The following ROBO1 variants were observed in gnomAD, a reference collection of about 807,000 sequenced individuals.
ROBO1 encodes the protein roundabout guidance receptor 1.
ROBO1 carries 149 observed loss-of-function variants against 195.9 expected under a neutral mutation model. The observed-to-expected ratio is 0.76, with a 90% confidence interval of 0.67 to 0.87. ROBO1 has a LOEUF of 0.87. Ranked by LOEUF, ROBO1 falls within the 40% of genes least tolerant of loss-of-function variation. ROBO1 has a pLI of 0.00. For synonymous variants in ROBO1, 816 were observed against 733.2 expected (o/e 1.11, Z -1.82); for missense variants, 1,933 against 2,068.3 (o/e 0.93, Z 1.27).
At chr3:79,626,147 T>C (rs757933519) in intron 1 of ROBO1, among the ~76,000 whole-genome samples, 3 of 152,150 alleles carry the variant, frequency 2.0e-5, no homozygotes, top group Non-Finnish European at 4.4e-5. Context: ...TCAACATCCT[T>C]TCATGTTAAA....
chr3:79,362,269 C>A (rs1377334444), intron 2 of ROBO1, among the ~76,000 whole-genome samples: 1 of 151,966 alleles, frequency 6.6e-6, no homozygotes, highest in South Asian at 2.1e-4. Flanking sequence ...AATAATAGAT[C>A]GAAGTGCATT....
chr3:79,638,388 T>C (rs1253340308), intron 1 of ROBO1, among the ~76,000 whole-genome samples: 1 of 152,154 alleles, frequency 6.6e-6, no homozygotes, highest in Non-Finnish European at 1.5e-5. Context: ...AATGGTCTGA[T>C]TTTTTTATTT....
intron 1 of ROBO1, among the ~76,000 whole-genome samples, chr3:79,606,403 A>G (rs1347628948): frequency 6.6e-6 from 1 of 151,956 alleles, no homozygotes; most frequent in Non-Finnish European, 1.5e-5. Flanking sequence ...CTGTCTCCTC[A>G]TCATCCATCC....
At chr3:79,080,616 A>T (rs1455920574) in intron 3 of ROBO1, among the ~76,000 whole-genome samples, 1 of 152,112 alleles carries the variant, frequency 6.6e-6, no homozygotes, top group Non-Finnish European at 1.5e-5. Context: ...ATTTGCATAA[A>T]GCATTATTAC....
chr3:79,586,985 T>C (rs1002679058), intron 2 of ROBO1, among the ~76,000 whole-genome samples: 4 of 151,898 alleles, frequency 2.6e-5, no homozygotes, highest in African/African-American at 7.2e-5. Context: ...TGGGCTTTAA[T>C]GGGCTCAACA....
intron 1 of ROBO1, among the ~76,000 whole-genome samples, chr3:79,750,919 G>A (rs1209088168): frequency 6.6e-6 from 1 of 152,146 alleles, no homozygotes; most frequent in Non-Finnish European, 1.5e-5. Flanking sequence ...CACCACAGAA[G>A]AAAAATGTGG....
intron 10 of ROBO1, among the ~76,000 whole-genome samples, chr3:78,685,271 T>A (rs934108841): frequency 6.6e-6 from 1 of 152,162 alleles, no homozygotes; most frequent in East Asian, 1.9e-4. Flanking sequence ...GTCCTTACAA[T>A]AGGTTTGGCA....
At chr3:79,658,762 T>C (rs2106807422) in intron 1 of ROBO1, among the ~76,000 whole-genome samples, 1 of 151,794 alleles carries the variant, frequency 6.6e-6, no homozygotes, top group Middle Eastern at 3.4e-3. Context: ...CCTTAGTTAT[T>C]CAAAATCTAT....
intron 3 of ROBO1, among the ~76,000 whole-genome samples, chr3:79,045,259 T>A (rs931982969): frequency 4.6e-5 from 7 of 152,170 alleles, no homozygotes; most frequent in African/African-American, 1.7e-4. Context: ...TTCTCCTAAT[T>A]TTCATGATAA....
At chr3:78,637,038 T>A (rs1705561542) in intron 22 of ROBO1, among the ~76,000 whole-genome samples, 1 of 148,260 alleles carries the variant, frequency 6.7e-6, no homozygotes. Context: ...TTAAAATAGA[T>A]TTTAAATAGA....
At chr3:79,636,769 A>G (rs1415117980) in intron 1 of ROBO1, among the ~76,000 whole-genome samples, 1 of 152,220 alleles carries the variant, frequency 6.6e-6, no homozygotes, top group Admixed American at 6.5e-5. Flanking sequence ...GCTTCAAAAG[A>G]AGATTTGAGA....
intron 3 of ROBO1, among the ~76,000 whole-genome samples, chr3:79,016,414 G>A (rs1238820206): frequency 6.6e-6 from 1 of 152,044 alleles, no homozygotes; most frequent in Non-Finnish European, 1.5e-5. Flanking sequence ...TGGCTTAAAT[G>A]GAAAATTAAA....
intron 1 of ROBO1, among the ~76,000 whole-genome samples, chr3:79,613,817 A>G (rs1265311026): frequency 6.6e-6 from 1 of 152,050 alleles, no homozygotes; most frequent in Non-Finnish European, 1.5e-5. Context: ...CTAAAAGTAA[A>G]AGGTTCGGAG....
At chr3:78,697,172 A>C (rs2081319017) in intron 8 of ROBO1, among the ~76,000 whole-genome samples, 1 of 151,980 alleles carries the variant, frequency 6.6e-6, no homozygotes, top group Non-Finnish European at 1.5e-5. Flanking sequence ...ATGTACTAAG[A>C]ATATACATTG....
chr3:78,666,499 G>A (rs1397939155), intron 14 of ROBO1, among the ~76,000 whole-genome samples: 1 of 152,118 alleles, frequency 6.6e-6, no homozygotes, highest in Admixed American at 6.6e-5. Flanking sequence ...CTGTACTGGG[G>A]ACAAAAGTTT....
At chr3:78,757,383 G>T (rs904523514) in intron 4 of ROBO1, among the ~76,000 whole-genome samples, 2 of 151,890 alleles carry the variant, frequency 1.3e-5, no homozygotes, top group Non-Finnish European at 2.9e-5. Flanking sequence ...AAAAAGACTA[G>T]AGTGTTTTCT....
At chr3:78,936,593 CT>C (rs1287184956) in intron 4 of ROBO1, among the ~76,000 whole-genome samples, 1 of 151,932 alleles carries the variant, frequency 6.6e-6, no homozygotes, top group Admixed American at 6.6e-5. Context: ...CGATTATCCC[CT>C]AGACAATACG....
chr3:78,978,933 C>T (rs1366786918), intron 3 of ROBO1, among the ~76,000 whole-genome samples: 1 of 152,170 alleles, frequency 6.6e-6, no homozygotes, highest in Non-Finnish European at 1.5e-5. Context: ...CAAGTTCTGA[C>T]ATCTCCCTTC....
chr3:79,651,337 G>A (rs1295779136), intron 1 of ROBO1, among the ~76,000 whole-genome samples: 1 of 152,022 alleles, frequency 6.6e-6, no homozygotes, highest in Non-Finnish European at 1.5e-5. Context: ...AAGATGGTGG[G>A]TGTATGAATA....
Sources: allele counts gnomAD v4.1 joint callset (sites outside exome capture counted in the v4.1 genomes callset), GRCh38; gene constraint gnomAD v4.1.1; transcripts MANE v1.5; gene names NCBI Gene and HGNC (gene_info 2026-07-23, HGNC 2026-07-21).